LRBA: variants seen among roughly 807,000 people sequenced by gnomAD.
The protein encoded by LRBA is lipopolysaccharide-responsive and beige-like anchor protein.
Under a neutral mutation model 330.0 loss-of-function variants are expected in LRBA, and 176 were observed. The ratio of observed to expected loss-of-function variants is 0.53; its 90% CI spans 0.47 to 0.60. The LOEUF (loss-of-function observed/expected upper bound fraction) is 0.60, where lower values mean the gene tolerates loss of function less well. Ranked by LOEUF, LRBA falls within the 20% of genes least tolerant of loss-of-function variation. LRBA has a pLI of 0.00. For synonymous variants in LRBA, 1,230 were observed against 1,193.0 expected (o/e 1.03, Z -0.64); for missense variants, 3,259 against 3,444.8 (o/e 0.95, Z 1.35).
intron 33 of LRBA, among the ~76,000 whole-genome samples, chr4:150,802,806 C>T (rs539948588): frequency 7.9e-5 from 12 of 151,936 alleles, no homozygotes; most frequent in Admixed American, 7.2e-4. Context: ...GAGGACTGCT[C>T]GGGGTCAGGA....
chr4:150,494,776 A>T (rs889710575), intron 40 of LRBA, among the ~76,000 whole-genome samples: 1 of 152,194 alleles, frequency 6.6e-6, no homozygotes, highest in Non-Finnish European at 1.5e-5. Flanking sequence ...CAGGCGGATC[A>T]CGAGGTCAGG....
chr4:150,487,878 C>T (rs1417076120), intron 41 of LRBA, 44 bp from the exon 42 acceptor site: 19 of 1,090,286 alleles, frequency 1.7e-5, no homozygotes, highest in Non-Finnish European at 2.6e-5. Flanking sequence ...GTATAACTTC[C>T]TTTCTGGAAA....
intron 46 of LRBA, chr4:150,422,982 C>T: frequency 1.3e-6 from 1 of 781,522 alleles, no homozygotes; most frequent in Non-Finnish European, 2.4e-6. Context: ...ATTTCTGGTC[C>T]AATGGTGTAT....
rs547625681 is a variant in LRBA at position 150,900,779 on chromosome 4, C to A, written c.1756-562G>T. On this transcript the variant is annotated intron_variant, in intron 13 of 56. Coordinates refer to ENST00000651943, the MANE Select transcript of LRBA (RefSeq NM_001364905.1). ...AGAATTCTATTACAGTAGCTCATTA[C>A]AAGAAACATTCCAATCTAGCATTTT... Among the ~76,000 whole-genome samples the A allele has an allele frequency of 7.2e-5, 11 of 152,208 alleles. No homozygotes were observed. In the South Asian group the frequency reaches 2.1e-3, roughly 29 times the overall value.
intron 36 of LRBA, among the ~76,000 whole-genome samples, chr4:150,721,788 C>T (rs1947315): frequency 0.87 from 132,842 of 152,032 alleles, 58,590 homozygotes; most frequent in Non-Finnish European, 0.95. Context: ...GGCTAATTTT[C>T]GTATTTTTGG....
intron 34 of LRBA, among the ~76,000 whole-genome samples, chr4:150,768,169 G>C (rs1331999869): frequency 6.6e-6 from 1 of 151,260 alleles, no homozygotes; most frequent in East Asian, 1.9e-4. Flanking sequence ...AACAGTACAT[G>C]AGATACATTA....
chr4:150,724,562 T>G (rs1002755166), intron 36 of LRBA, among the ~76,000 whole-genome samples: 2 of 152,006 alleles, frequency 1.3e-5, no homozygotes, highest in African/African-American at 4.8e-5. Flanking sequence ...CATGAAAACA[T>G]GACCTCACCA....
At chr4:150,328,195 C>T (rs955562194) in intron 48 of LRBA, among the ~76,000 whole-genome samples, 5 of 152,008 alleles carry the variant, frequency 3.3e-5, no homozygotes, top group African/African-American at 1.2e-4. Flanking sequence ...AATAGGAATA[C>T]AGGAGTTTCT....
chr4:150,701,917 C>G (rs1220029858), intron 36 of LRBA, among the ~76,000 whole-genome samples: 1 of 152,108 alleles, frequency 6.6e-6, no homozygotes, highest in Non-Finnish European at 1.5e-5. Context: ...CATCCTGGGC[C>G]AAAGAATGGT....
intron 34 of LRBA, among the ~76,000 whole-genome samples, chr4:150,796,051 C>A (rs1049356503): frequency 1.3e-5 from 2 of 151,928 alleles, no homozygotes; most frequent in East Asian, 3.8e-4. Flanking sequence ...ATCTTTCGAT[C>A]TTTGGCACTC....
At chr4:150,775,998 T>C (rs1737279590) in intron 34 of LRBA, among the ~76,000 whole-genome samples, 1 of 152,070 alleles carries the variant, frequency 6.6e-6, no homozygotes, top group African/African-American at 2.4e-5. Context: ...CTGGCATAAA[T>C]ACATGATAAT....
intron 48 of LRBA, among the ~76,000 whole-genome samples, chr4:150,342,343 T>G (rs529902438): frequency 2.6e-4 from 39 of 152,114 alleles, no homozygotes; most frequent in South Asian, 6.3e-4. Flanking sequence ...TAAAAAAATG[T>G]TAAAGGCAGT....
intron 2 of LRBA, among the ~76,000 whole-genome samples, chr4:150,985,545 C>T (rs1741357334): frequency 6.6e-6 from 1 of 150,852 alleles, no homozygotes; most frequent in African/African-American, 2.4e-5. Context: ...ATTGCCCAGG[C>T]TGGAGTGCAG....
intron 2 of LRBA, among the ~76,000 whole-genome samples, chr4:150,942,910 A>C (rs1244009150): frequency 2.6e-5 from 4 of 152,140 alleles, no homozygotes; most frequent in Non-Finnish European, 4.4e-5. Flanking sequence ...TATTTGAAAA[A>C]TTTGTGAACT....
intron 40 of LRBA, among the ~76,000 whole-genome samples, chr4:150,530,471 G>A (rs1287342666): frequency 6.6e-6 from 1 of 152,210 alleles, no homozygotes; most frequent in Non-Finnish European, 1.5e-5. Context: ...GTGCCTGAGG[G>A]AGTACTGGTT....
chr4:150,450,356 G>A (rs1423336613), intron 44 of LRBA, among the ~76,000 whole-genome samples: 1 of 152,172 alleles, frequency 6.6e-6, no homozygotes, highest in Admixed American at 6.5e-5. Flanking sequence ...CTAGAAATCT[G>A]AAATCAAGTT....
chr4:150,481,681 C>A lies in LRBA; in HGVS notation c.6551+6051G>T, dbSNP rs147951711. Among the ~76,000 whole-genome samples, 52 of 152,072 alleles carry A rather than the reference C, an allele frequency of 3.4e-4. No homozygotes were observed. The Middle Eastern group carries it at 0.014, about 40-fold the overall frequency. ...TGGCCTATGGCTATGATGTATGGAG[C>A]CCGTAATGTTTAATTTCTTTCATTT... On this transcript the variant is annotated intron_variant, in intron 42 of 56. Transcript: ENST00000651943.
intron 48 of LRBA, among the ~76,000 whole-genome samples, chr4:150,339,962 C>G (rs542679849): frequency 6.6e-6 from 1 of 151,740 alleles, no homozygotes; most frequent in African/African-American, 2.4e-5. Flanking sequence ...TCGGAGGTAA[C>G]TGAATCATGG....
At chr4:150,369,243 T>C (rs1739912731) in intron 47 of LRBA, among the ~76,000 whole-genome samples, 1 of 152,162 alleles carries the variant, frequency 6.6e-6, no homozygotes, top group South Asian at 2.1e-4. Flanking sequence ...TATCTCATTC[T>C]TTCTCTTCTC....
Sources: gnomAD v4.1 joint callset for allele counts (sites outside exome capture counted in the v4.1 genomes callset) on GRCh38, gnomAD v4.1.1 for gene constraint, MANE v1.5 for transcripts, NCBI Gene and HGNC (gene_info 2026-07-23, HGNC 2026-07-21) for gene names.